The following CMA1 variants were observed in gnomAD, a reference collection of about 807,000 sequenced individuals.
The protein encoded by CMA1 is chymase.
CMA1 carries 24 observed loss-of-function variants against 18.8 expected under a neutral mutation model. The ratio of observed to expected loss-of-function variants is 1.28; its 90% confidence interval spans 0.92 to 1.80. The LOEUF is 1.80. Among genes scored for constraint, CMA1 ranks in the 40% most tolerant of loss-of-function variants. CMA1 has a pLI of 0.00. For synonymous variants in CMA1, 152 were observed against 117.0 expected, an observed-to-expected ratio of 1.30 and a Z score of -1.93; for missense variants, 421 against 302.8, an observed-to-expected ratio of 1.39 and a Z score of -2.90.
At chr14:24,506,004 G>A (rs1420093222) in intron 4 of CMA1, 24 bp downstream of exon 4, 2 of 1,611,686 alleles carry the variant, frequency 1.2e-6, no homozygotes, top group Non-Finnish European at 1.7e-6. Context: ...GAGTTTTGGA[G>A]AGGAAACCTA....
rs13306252 is a variant in CMA1, at chr14:24,506,521, C to T, written c.293G>A (p.Arg98His). 435 of 1,614,076 alleles carry T rather than the reference C, an allele frequency of 2.7e-4. No individual in the cohort carries two copies. In the East Asian group the frequency reaches 4.2e-3, roughly 16 times the overall value. ...WQKLEVIKQF[R>H]HPKYNTSTLH... ...AGTAGAAGTGTTATATTTTGGATGA[C>T]GGAATTGCTTTATAACCTCAAGCTT... The change falls in exon 3 of 5, where the codon CGT becomes CAT. Residue 98 changes from arginine (R) to histidine (H), a missense_variant. Transcript: ENST00000250378.
In CMA1 at chr14:24,507,372, C is replaced by T. The variant is rs762021583; in HGVS notation, c.193G>A (p.Ala65Thr). 1 of 1,614,122 alleles carries T rather than the reference C, an allele frequency of 6.2e-7. No homozygotes were observed. The highest frequency in any genetic ancestry group is 1.1e-5 in the South Asian group (1 of 91,082). ...LIRRNFVLTA[A>T]HCAGRSITVT... Reference sequence around the variant, plus strand: ...TTGTCTCACCTTCCTGCACAATGAGCAGCCGTCAGCACAAAGTTCCGTCTT... The same window carrying T: ...TTGTCTCACCTTCCTGCACAATGAGTAGCCGTCAGCACAAAGTTCCGTCTT... The change falls in exon 2 of 5, where the codon GCT becomes ACT. Residue 65 changes from alanine to threonine, a missense_variant. Coordinates refer to ENST00000250378, the MANE Select transcript of CMA1 (RefSeq NM_001836.5).
At chr14:24,506,406 G>A in intron 3 of CMA1, 63 bp downstream of exon 3, 1 of 1,603,148 alleles carries the variant, frequency 6.2e-7, no homozygotes, top group Non-Finnish European at 8.5e-7. Context: ...TCAGGGCAAT[G>A]AGGACCTGAA....
At chr14:24,507,270 C>G in intron 2 of CMA1, 86 bp downstream of exon 2, 1 of 1,522,502 alleles carries the variant, frequency 6.6e-7, no homozygotes. Context: ...AGGACCCCCT[C>G]TTCAGTCCCC....
intron 1 of CMA1, 188 bp downstream of exon 1, chr14:24,507,990 A>G (rs1471213753): frequency 3.7e-6 from 2 of 533,766 alleles, no homozygotes; most frequent in African/African-American, 2.7e-5. Context: ...GGGCTGTCCT[A>G]GGCTGTAGAG....
In CMA1 at chr14:24,507,423, AG is replaced by A; in HGVS notation, c.141del (p.Ser48GlnfsTer9). The A allele has an allele frequency of 6.2e-7, 1 of 1,614,140 alleles. No individual in the cohort carries two copies. ...AYLEIVTSNGPSKFCGGFLIR... is the reference protein window; with the variant it reads ...AYLEIVTSNGXSKFCGGFLIR... The stretch of plus-strand genomic sequence containing the variant: ...ATAAGGAAACCACCACAAAATTTTG[AG>A]GGACCGTTGGAAGTTACAATTTCCA... On this transcript the variant is annotated frameshift_variant, in exon 2 of 5. Transcript: ENST00000250378. LOFTEE classifies it high-confidence loss of function.
At chr14:24,506,749 G>A (rs1405235668) in intron 2 of CMA1, 145 bp from the exon 3 acceptor site, 2 of 913,456 alleles carry the variant, frequency 2.2e-6, no homozygotes, top group South Asian at 1.7e-5. Context: ...GGCCACTTGT[G>A]GCATTTGAGG....
intron 2 of CMA1, 28 bp downstream of exon 2, chr14:24,507,328 T>A (rs987017084): frequency 5.0e-6 from 8 of 1,612,298 alleles, no homozygotes; most frequent in Non-Finnish European, 6.8e-6. Context: ...ATCTCCCATT[T>A]GGAGATAAAT....
chr14:24,507,379 C>A lies in CMA1; in HGVS notation c.186G>T (p.Leu62=). 6.2e-7 allele frequency: 1 copy of A among 1,614,176 alleles called. No individual in the cohort carries two copies. Among genetic ancestry groups the A allele is most frequent in the South Asian group, 1.1e-5 (1 of 91,084 alleles). Residue 62 remains leucine (L), a synonymous_variant, in exon 2 of 5, where the codon CTG becomes CTT. Transcript: ENST00000250378. ...GGFLIRRNFV[L]TAAHCAGRSI... ...ACCTTCCTGCACAATGAGCAGCCGT[C>A]AGCACAAAGTTCCGTCTTATAAGGA...
At position 24,506,117 on chromosome 14, in the gene CMA1, C is replaced by A; in HGVS notation, c.511G>T (p.Asp171Tyr). ...CTGAAGTGGCTGCAGGCCTGGGGAT[C>A]CATGAGTCTCAGCTTCACCTCTTGC... ...TLQEVKLRLM[D>Y]PQACSHFRDF... The change falls in exon 4 of 5, where the codon GAT (aspartate) becomes TAT (tyrosine). Residue 171 changes from aspartate to tyrosine, a missense_variant. Physicochemically the swap from Asp to Tyr is radical, Grantham distance 160 (BLOSUM62 -3). Coordinates refer to ENST00000250378, the MANE Select transcript of CMA1 (RefSeq NM_001836.5). 5 of 1,614,198 alleles carry A rather than the reference C, an allele frequency of 3.1e-6. No individual in the cohort carries two copies. Among genetic ancestry groups the A allele is most frequent in the Non-Finnish European group, 3.4e-6 (4 of 1,180,036 alleles).
Position 24,505,451 on chromosome 14 carries a change from T to A in CMA1, c.*65A>T, listed in dbSNP as rs2043843295. 6.2e-7 allele frequency: 1 copy of A among 1,605,158 alleles called. No homozygotes were observed. Among genetic ancestry groups the A allele is most frequent in the East Asian group, 2.2e-5 (1 of 44,816 alleles). Reference sequence around the variant, plus strand: ...GGGACCAAGGGTAGACCAGAATGAGTGGCACACACTTTGCTGCTCAGGTCC... The same window carrying A: ...GGGACCAAGGGTAGACCAGAATGAGAGGCACACACTTTGCTGCTCAGGTCC... On this transcript the variant is annotated 3_prime_UTR_variant, in exon 5 of 5. Transcript: ENST00000250378.
At chr14:24,507,765 C>G (rs913026335) in intron 1 of CMA1, among the ~76,000 whole-genome samples, 2 of 152,216 alleles carry the variant, frequency 1.3e-5, no homozygotes, top group Non-Finnish European at 2.9e-5. Context: ...CTGGCCCACC[C>G]TCCTCTGTCT....
Position 24,508,177 on chromosome 14 carries a change from C to G in CMA1, c.58+1G>C. The stretch of plus-strand genomic sequence containing the variant: ...TCAGAGGGAAGAACCCTGATACTCA[C>G]CAGCTTCAGCTCTGGAGCACAAGAG... On this transcript the variant is annotated splice_donor_variant, in intron 1 of 4. Transcript: ENST00000250378. LOFTEE classifies it high-confidence loss of function. 2 of 1,613,692 alleles carry G rather than the reference C, an allele frequency of 1.2e-6. No individual in the cohort carries two copies. Among genetic ancestry groups the G allele is most frequent in the Non-Finnish European group, 1.7e-6 (2 of 1,179,760 alleles).
chr14:24,507,582 T>G lies in CMA1; in HGVS notation c.59-76A>C, dbSNP rs1047479255. 10 of 1,503,592 alleles carry G rather than the reference T, an allele frequency of 6.7e-6. No homozygotes were observed. In the Admixed American group the frequency reaches 1.4e-4, roughly 20 times the overall value. 93.1% of individuals were successfully genotyped at this position (1,503,592 alleles called of 1,614,324 possible). On this transcript the variant is annotated intron_variant, in intron 1 of 4. Coordinates refer to ENST00000250378, the MANE Select transcript of CMA1 (RefSeq NM_001836.5). ...ATGAATGGACAAATTGGGTTAAAGC[T>G]GAGCTAGGCTTCCCTGGAATCTCAT...
intron 1 of CMA1, 120 bp from the exon 2 acceptor site, chr14:24,507,626 C>T (rs1239782644): frequency 3.4e-6 from 4 of 1,165,394 alleles, no homozygotes; most frequent in Non-Finnish European, 4.9e-6. Flanking sequence ...TGTGTTCCGC[C>T]CATCTTCCCT....
intron 2 of CMA1, 37 bp from the exon 3 acceptor site, chr14:24,506,641 T>A: frequency 6.2e-7 from 1 of 1,609,858 alleles, no homozygotes; most frequent in South Asian, 1.1e-5. Context: ...GGAGCGACAG[T>A]GATGGCTTGG....
intron 3 of CMA1, 93 bp from the exon 4 acceptor site, chr14:24,506,375 T>C: frequency 1.3e-6 from 2 of 1,592,232 alleles, no homozygotes; most frequent in Non-Finnish European, 1.7e-6. Context: ...CTTCATGTTA[T>C]AGCCAAGTCC....
rs145840278 is a variant in CMA1, at chr14:24,506,256, C to T, written c.372G>A (p.Leu124=). 6 of 1,614,078 alleles carry T rather than the reference C, an allele frequency of 3.7e-6. No individual in the cohort carries two copies. Among genetic ancestry groups the T allele is most frequent in the Admixed American group, 3.3e-5 (2 of 60,016 alleles). Residue 124 remains leucine (L), a synonymous_variant, in exon 4 of 5, where the codon CTG becomes CTA. Coordinates refer to ENST00000250378, the MANE Select transcript of CMA1 (RefSeq NM_001836.5). ...ATGGGAAGGGGAGTGTCCCCACAGC[C>T]AGGGTCAGGCTGGCTTTCTCCTTCA... ...LKLKEKASLT[L]AVGTLPFPSQ...
rs2043865473 is a variant in CMA1, at chr14:24,507,299, G to A, written c.209+57C>T. The A allele has an allele frequency of 4.4e-6, 7 of 1,604,446 alleles. No homozygotes were observed. The South Asian group carries it at 7.7e-5, about 18-fold the overall frequency. Reference sequence around the variant, plus strand: ...AGTCCCCAGTGCAGGTGTATTCCTGGATGCTACTCTGGTTGTTCATCTCCC... The same window carrying A: ...AGTCCCCAGTGCAGGTGTATTCCTGAATGCTACTCTGGTTGTTCATCTCCC... On this transcript the variant is annotated intron_variant, in intron 2 of 4. Transcript: ENST00000250378.
Sources: allele counts gnomAD v4.1 joint callset (sites outside exome capture counted in the v4.1 genomes callset), GRCh38; gene constraint gnomAD v4.1.1; transcripts MANE v1.5; gene names NCBI Gene and HGNC (gene_info 2026-07-23, HGNC 2026-07-21).